PTPRT: variants seen among roughly 807,000 people sequenced by gnomAD.
PTPRT encodes receptor-type tyrosine-protein phosphatase T.
PTPRT carries 56 observed loss-of-function variants against 176.8 expected under a neutral mutation model. The ratio of observed to expected loss-of-function variants is 0.32; its 90% CI spans 0.26 to 0.40. The LOEUF is 0.40. Ranked by LOEUF, PTPRT falls within the 10% of genes least tolerant of loss-of-function variation. The pLI, the probability that PTPRT is intolerant of heterozygous loss-of-function variation, is 1.00. For synonymous variants in PTPRT, 783 were observed against 739.0 expected (o/e 1.06, Z -0.96); for missense variants, 1,540 against 1,908.2 (o/e 0.81, Z 3.60).
At chr20:42,350,224 T>TG (rs1568799331) in intron 11 of PTPRT, among the ~76,000 whole-genome samples, 4 of 25,618 alleles carry the variant, frequency 1.6e-4, no homozygotes, top group African/African-American at 3.7e-4. Context: ...GTTTTTTTTT[T>TG]TTTTTTTTTT....
chr20:42,175,296 C>T (rs1363158738), intron 16 of PTPRT, among the ~76,000 whole-genome samples: 2 of 152,146 alleles, frequency 1.3e-5, no homozygotes, highest in African/African-American at 4.8e-5. Flanking sequence ...GTCTCTCTGT[C>T]CTTTCCCCTC....
In PTPRT at chr20:42,448,229, C is replaced by T. The variant is rs571794670; in HGVS notation, c.1551G>A (p.Thr517=). 9.8e-5 allele frequency: 157 copies of T among 1,610,034 alleles called. 1 individual carries two copies. The South Asian group carries it at 1.4e-3, about 14-fold the overall frequency. Residue 517 remains threonine, a synonymous_variant, in exon 9 of 31, where the codon ACG becomes ACA. Coordinates refer to ENST00000373187, the MANE Select transcript of PTPRT (RefSeq NM_007050.6). Reference sequence around the variant, plus strand: ...CAAGGGACCTCCTTACCTCGTAGAGCGTGATGACCCCATTGGTCTCATTGG... The same window carrying T: ...CAAGGGACCTCCTTACCTCGTAGAGTGTGATGACCCCATTGGTCTCATTGG... ...KPPNETNGVI[T]LYEINYKAVG... is the part of the protein sequence containing the mutation.
At chr20:42,817,366 T>TTA (rs1030693287) in intron 2 of PTPRT, among the ~76,000 whole-genome samples, 14 of 149,562 alleles carry the variant, frequency 9.4e-5, no homozygotes, top group African/African-American at 3.2e-4. Flanking sequence ...ATGTTTGGTT[T>TTA]TTTTTTTTTT....
At chr20:42,281,956 T>C (rs1341143414) in intron 13 of PTPRT, among the ~76,000 whole-genome samples, 1 of 152,176 alleles carries the variant, frequency 6.6e-6, no homozygotes, top group Non-Finnish European at 1.5e-5. Context: ...ACAAAAGTGA[T>C]GAGCCTGAAC....
At chr20:42,448,569 A>G (rs1357543025) in intron 8 of PTPRT, among the ~76,000 whole-genome samples, 4 of 152,324 alleles carry the variant, frequency 2.6e-5, no homozygotes, top group South Asian at 2.1e-4. Flanking sequence ...TTTATTTATG[A>G]AAACAGGCAA....
intron 7 of PTPRT, among the ~76,000 whole-genome samples, chr20:42,526,759 T>C (rs924404442): frequency 2.6e-5 from 4 of 152,052 alleles, no homozygotes; most frequent in African/African-American, 9.7e-5. Context: ...ATCAGCTATT[T>C]GTAGAAGGTT....
At chr20:42,980,615 G>T (rs1230152529) in intron 1 of PTPRT, among the ~76,000 whole-genome samples, 1 of 152,164 alleles carries the variant, frequency 6.6e-6, no homozygotes, top group African/African-American at 2.4e-5. Context: ...ATTGTGTGTG[G>T]TCTTGAAGGA....
At chr20:42,281,591 A>G (rs2057139955) in intron 13 of PTPRT, among the ~76,000 whole-genome samples, 1 of 152,142 alleles carries the variant, frequency 6.6e-6, no homozygotes, top group African/African-American at 2.4e-5. Context: ...ATATTTACAC[A>G]CATACACATA....
chr20:42,839,735 G>A (rs1405702703), intron 2 of PTPRT, among the ~76,000 whole-genome samples: 2 of 152,184 alleles, frequency 1.3e-5, no homozygotes, highest in African/African-American at 4.8e-5. Flanking sequence ...AACTGGTGCT[G>A]TTACTACTGG....
chr20:42,468,609 T>C (rs368431508), intron 8 of PTPRT, among the ~76,000 whole-genome samples: 6 of 152,332 alleles, frequency 3.9e-5, no homozygotes, highest in East Asian at 1.9e-4. Flanking sequence ...CTCATGTTGT[T>C]TTGATAAAGG....
chr20:42,390,344 G>C (rs757742446), intron 9 of PTPRT, among the ~76,000 whole-genome samples: 2 of 152,164 alleles, frequency 1.3e-5, no homozygotes, highest in Non-Finnish European at 2.9e-5. Flanking sequence ...TTGATTAATT[G>C]ATTAAGGAAA....
intron 24 of PTPRT, among the ~76,000 whole-genome samples, chr20:42,105,889 C>T (rs1986389371): frequency 6.6e-6 from 1 of 152,222 alleles, no homozygotes; most frequent in Admixed American, 6.5e-5. Flanking sequence ...TGTCCCAGCT[C>T]TGGTCGCCCA....
At chr20:42,960,439 G>A (rs1035770379) in intron 1 of PTPRT, among the ~76,000 whole-genome samples, 10 of 152,008 alleles carry the variant, frequency 6.6e-5, no homozygotes, top group African/African-American at 1.7e-4. Context: ...TCATGAAGAC[G>A]GAGCCCTCAT....
In PTPRT at chr20:43,078,531, T is replaced by C. The variant is rs1378322947; in HGVS notation, c.88+111115A>G. ...CATTACTAGGCACATAAATTTTGGTTTGATAGCTCCTGTTTCACGCACACT... is the reference window on the plus strand; with the variant it reads ...CATTACTAGGCACATAAATTTTGGTCTGATAGCTCCTGTTTCACGCACACT... On this transcript the variant is annotated intron_variant, in intron 1 of 30. Coordinates refer to ENST00000373187, the MANE Select transcript of PTPRT (RefSeq NM_007050.6). 2.0e-5 allele frequency among the ~76,000 whole-genome samples: 3 copies of C among 152,254 alleles called. No homozygotes were observed. In the East Asian group the frequency reaches 5.8e-4, roughly 29 times the overall value.
In PTPRT at chr20:42,367,969, T is replaced by C. The variant is rs6016763; in HGVS notation, c.1561-15684A>G. Among the ~76,000 whole-genome samples the C allele has an allele frequency of 8.8e-3, 1,336 of 152,272 alleles. 21 individuals carry two copies. Among genetic ancestry groups the C allele is most frequent in the African/African-American group, 0.031 (1,279 of 41,560 alleles). ...AAGGTAACAGCTCCAACTCAGACCA[T>C]AGATGCAGGATGCAGGGACCCCTGA... is the stretch of plus-strand genomic sequence containing the variant. On this transcript the variant is annotated intron_variant, in intron 9 of 30. Coordinates refer to ENST00000373187, the MANE Select transcript of PTPRT (RefSeq NM_007050.6).
rs1264956973 is a variant in PTPRT at position 42,104,711 on chromosome 20, T to G, written c.3398A>C (p.Tyr1133Ser). The G allele has an allele frequency of 6.3e-7, 1 of 1,579,528 alleles. No homozygotes were observed. Among genetic ancestry groups the G allele is most frequent in the East Asian group, 2.2e-5 (1 of 44,676 alleles). The change falls in exon 25 of 31, where the codon TAT (tyrosine) becomes TCT (serine). Residue 1133 changes from tyrosine (Y) to serine (S), a missense_variant. This residue lies in a region of PTPRT where 248 missense variants were observed against 356.7 expected (regional missense o/e 0.70). Transcript: ENST00000373187. ...RVNLVQTEEQ[Y>S]VFVHDAILEA... ...CAGGATGGCATCGTGCACAAACACATATTGCTCCTGCAAAGTCAGAAGAGA... is the reference window on the plus strand; with the variant it reads ...CAGGATGGCATCGTGCACAAACACAGATTGCTCCTGCAAAGTCAGAAGAGA...
At chr20:42,447,728 G>A (rs779659019) in intron 9 of PTPRT, among the ~76,000 whole-genome samples, 3 of 152,124 alleles carry the variant, frequency 2.0e-5, no homozygotes, top group Non-Finnish European at 4.4e-5. Context: ...GGGGGCTTTG[G>A]ATGCCATCAC....
intron 7 of PTPRT, among the ~76,000 whole-genome samples, chr20:42,505,026 G>T (rs899029001): frequency 7.2e-5 from 11 of 151,970 alleles, no homozygotes; most frequent in African/African-American, 2.7e-4. Context: ...CTATTTCATG[G>T]AATTCAAATC....
intron 12 of PTPRT, among the ~76,000 whole-genome samples, chr20:42,298,096 CA>C (rs1293878594): frequency 2.0e-5 from 3 of 152,000 alleles, no homozygotes; most frequent in African/African-American, 7.2e-5. Flanking sequence ...GAAAAAACTG[CA>C]ACATATATCA....
Sources: allele counts gnomAD v4.1 joint callset (sites outside exome capture counted in the v4.1 genomes callset), GRCh38; gene constraint gnomAD v4.1.1; regional missense constraint gnomAD v4.1.1; transcripts MANE v1.5; gene names NCBI Gene and HGNC (gene_info 2026-07-23, HGNC 2026-07-21).